The following COLEC12 variants were observed in gnomAD, a reference collection of about 807,000 sequenced individuals.
COLEC12 encodes the protein collectin-12.
In COLEC12, 33 loss-of-function variants were observed where a neutral mutation model predicts 71.1. That is an observed-to-expected ratio of 0.46 (90% CI 0.35 to 0.62). The LOEUF (loss-of-function observed/expected upper bound fraction) is 0.62, where lower values mean the gene tolerates loss of function less well. Ranked by LOEUF, COLEC12 falls within the 20% of genes least tolerant of loss-of-function variation. The pLI is 0.00. For synonymous variants in COLEC12, 350 were observed against 353.0 expected (o/e 0.99, Z 0.10); for missense variants, 765 against 916.1 (o/e 0.84, Z 2.13).
intron 2 of COLEC12, among the ~76,000 whole-genome samples, chr18:441,787 A>G (rs1916540668): frequency 6.6e-6 from 1 of 152,024 alleles, no homozygotes; most frequent in South Asian, 2.1e-4. Flanking sequence ...GCTTGAGCTC[A>G]GGAGTTTGAG....
At chr18:366,228 C>T (rs1914853815) in intron 2 of COLEC12, among the ~76,000 whole-genome samples, 1 of 152,132 alleles carries the variant, frequency 6.6e-6, no homozygotes, top group Non-Finnish European at 1.5e-5. Context: ...GGGCATGTAG[C>T]GGGGGACGTA....
At chr18:388,534 C>T (rs998791142) in intron 2 of COLEC12, among the ~76,000 whole-genome samples, 18 of 152,168 alleles carry the variant, frequency 1.2e-4, no homozygotes, top group African/African-American at 3.6e-4. Flanking sequence ...TCTGTATGCG[C>T]ATGGGTCTCT....
intron 2 of COLEC12, among the ~76,000 whole-genome samples, chr18:473,424 G>T (rs951689886): frequency 6.6e-6 from 1 of 152,128 alleles, no homozygotes; most frequent in Non-Finnish European, 1.5e-5. Flanking sequence ...GTTCAGTGGC[G>T]TGATCTCGGC....
chr18:353,142 T>A (rs978388894), intron 3 of COLEC12, among the ~76,000 whole-genome samples: 1 of 152,190 alleles, frequency 6.6e-6, no homozygotes, highest in Non-Finnish European at 1.5e-5. Flanking sequence ...TCGTCTTGAC[T>A]CCACTTCTCC....
intron 5 of COLEC12, 63 bp from the exon 6 acceptor site, chr18:335,293 T>G (rs1353982520): frequency 3.2e-5 from 49 of 1,512,808 alleles, no homozygotes; most frequent in Non-Finnish European, 4.0e-5. Context: ...TATGAATAAT[T>G]TTTCTTCTTA....
chr18:333,233 G>C, intron 6 of COLEC12, 90 bp from the exon 7 acceptor site: 1 of 1,105,028 alleles, frequency 9.0e-7, no homozygotes, highest in Non-Finnish European at 1.3e-6. Context: ...CAAAACTGTG[G>C]TCCCGCTGGG....
At chr18:444,286 G>A (rs916529388) in intron 2 of COLEC12, among the ~76,000 whole-genome samples, 1 of 152,040 alleles carries the variant, frequency 6.6e-6, no homozygotes, top group African/African-American at 2.4e-5. Context: ...CTCTTTTTCA[G>A]ATAAAAAATA....
intron 2 of COLEC12, among the ~76,000 whole-genome samples, chr18:459,247 T>A (rs139923239): frequency 1.3e-5 from 2 of 152,198 alleles, no homozygotes; most frequent in Non-Finnish European, 2.9e-5. Context: ...CAGGACAGGA[T>A]GGCTCTTAGG....
chr18:419,475 G>T (rs1288635319), intron 2 of COLEC12, among the ~76,000 whole-genome samples: 2 of 152,106 alleles, frequency 1.3e-5, no homozygotes, highest in Non-Finnish European at 2.9e-5. Flanking sequence ...CAAAGTGCTG[G>T]ATTACAGGTG....
At chr18:357,592 A>C (rs2143501837) in intron 2 of COLEC12, 70 bp from the exon 3 acceptor site, 3 of 1,293,436 alleles carry the variant, frequency 2.3e-6, no homozygotes, top group Non-Finnish European at 3.2e-6. Context: ...TTTTGCATTT[A>C]GGTTCAAATA....
At chr18:418,215 T>C (rs1416880887) in intron 2 of COLEC12, among the ~76,000 whole-genome samples, 2 of 152,192 alleles carry the variant, frequency 1.3e-5, no homozygotes, top group African/African-American at 2.4e-5. Flanking sequence ...GCAAAGTAGA[T>C]AATGGGTATG....
rs749528405 is a variant in COLEC12, at chr18:412,214, G to A, written c.59-54692C>T. Among the ~76,000 whole-genome samples the A allele has an allele frequency of 3.4e-4, 51 of 151,962 alleles. 1 individual carries two copies. Among genetic ancestry groups the A allele is most frequent in the Non-Finnish European group, 1.6e-4 (11 of 67,992 alleles). ...GGACAAAGAAAACATTTTAAAAGCAGCAAGATAAAAAAACACCTTACTTAT... is the reference window on the plus strand; with the variant it reads ...GGACAAAGAAAACATTTTAAAAGCAACAAGATAAAAAAACACCTTACTTAT... On this transcript the variant is annotated intron_variant, in intron 2 of 9. Transcript: ENST00000400256.
At chr18:360,484 C>A (rs1272142211) in intron 2 of COLEC12, among the ~76,000 whole-genome samples, 1 of 152,194 alleles carries the variant, frequency 6.6e-6, no homozygotes, top group East Asian at 1.9e-4. Context: ...AGCCACCACG[C>A]CTGGCCAAGA....
At position 421,432 on chromosome 18, in the gene COLEC12, C is replaced by T. The variant is rs1378560499; in HGVS notation, c.58+59275G>A. On this transcript the variant is annotated intron_variant, in intron 2 of 9. Coordinates refer to ENST00000400256, the MANE Select transcript of COLEC12 (RefSeq NM_130386.3). ...CAAACAAGTGAGTTGGGTTTTTCAT[C>T]CCTTTACAGATCTTCCACATTCCCT... 2.0e-5 allele frequency among the ~76,000 whole-genome samples: 3 copies of T among 152,080 alleles called. No individual in the cohort carries two copies. In the East Asian group the frequency reaches 5.8e-4, roughly 29 times the overall value.
At chr18:471,855 A>T (rs1390876917) in intron 2 of COLEC12, among the ~76,000 whole-genome samples, 1 of 152,080 alleles carries the variant, frequency 6.6e-6, no homozygotes, top group African/African-American at 2.4e-5. Context: ...CTTTGTACAT[A>T]ACTAATTTCG....
At chr18:373,673 G>C (rs938222059) in intron 2 of COLEC12, among the ~76,000 whole-genome samples, 35 of 152,270 alleles carry the variant, frequency 2.3e-4, no homozygotes, top group African/African-American at 8.2e-4. Context: ...TCTGAACCGG[G>C]TAGAATCAAA....
chr18:343,204 T>C (rs578106792), intron 5 of COLEC12, among the ~76,000 whole-genome samples: 2 of 152,212 alleles, frequency 1.3e-5, no homozygotes, highest in East Asian at 3.9e-4. Flanking sequence ...CTGGGCACAT[T>C]GGGTAGGGAA....
chr18:459,009 A>G (rs1188716764), intron 2 of COLEC12, among the ~76,000 whole-genome samples: 1 of 151,654 alleles, frequency 6.6e-6, no homozygotes, highest in Non-Finnish European at 1.5e-5. Context: ...TAATTTTTTT[A>G]TTTTCTGTAG....
At chr18:400,334 A>G (rs1347568754) in intron 2 of COLEC12, among the ~76,000 whole-genome samples, 1 of 152,206 alleles carries the variant, frequency 6.6e-6, no homozygotes, top group Non-Finnish European at 1.5e-5. Context: ...AATGACCAGT[A>G]ATATATACTT....
Sources: allele counts gnomAD v4.1 joint callset (sites outside exome capture counted in the v4.1 genomes callset), GRCh38; gene constraint gnomAD v4.1.1; transcripts MANE v1.5; gene names NCBI Gene and HGNC (gene_info 2026-07-23, HGNC 2026-07-21).